The following UHRF1 variants were observed in gnomAD, a reference collection of about 807,000 sequenced individuals.
UHRF1 encodes ubiquitin like with PHD and ring finger domains 1.
UHRF1 carries 9 observed loss-of-function variants against 96.5 expected under a neutral mutation model. The observed-to-expected ratio is 0.09, with a 90% confidence interval of 0.06 to 0.16. UHRF1 has a LOEUF of 0.16. Among genes scored for constraint, UHRF1 ranks in the 10% least tolerant of loss-of-function variants. The pLI, the probability that UHRF1 is intolerant of heterozygous loss-of-function variation, is 1.00. For missense variants in UHRF1, 626 were observed against 1,131.1 expected, an observed-to-expected ratio of 0.55 and a Z score of 6.40; for synonymous variants, 455 against 469.9, an observed-to-expected ratio of 0.97 and a Z score of 0.41.
At chr19:4,921,237 C>T (rs781396268) in intron 2 of UHRF1, among the ~76,000 whole-genome samples, 2 of 151,984 alleles carry the variant, frequency 1.3e-5, no homozygotes, top group African/African-American at 2.4e-5. Flanking sequence ...GTGGGGATTT[C>T]GAGACCAGCC....
chr19:4,932,466 C>A (rs746244657), intron 4 of UHRF1, among the ~76,000 whole-genome samples: 1 of 152,234 alleles, frequency 6.6e-6, no homozygotes, highest in Non-Finnish European at 1.5e-5. Context: ...AAGGTTCTAT[C>A]TACAAAGACC....
chr19:4,941,238 G>T (rs1190071040), intron 5 of UHRF1, among the ~76,000 whole-genome samples: 1 of 151,390 alleles, frequency 6.6e-6, no homozygotes, highest in African/African-American at 2.4e-5. Context: ...TTACATGCGC[G>T]CTTCTCCAAG....
At chr19:4,944,494 C>T (rs2033505417) in intron 9 of UHRF1, 44 bp downstream of exon 9, 4 of 1,605,822 alleles carry the variant, frequency 2.5e-6, no homozygotes, top group Non-Finnish European at 2.6e-6. Flanking sequence ...GCGGGCTCAT[C>T]CTGCTTTTCT....
intron 13 of UHRF1, among the ~76,000 whole-genome samples, chr19:4,952,898 G>A (rs1428616867): frequency 6.6e-6 from 1 of 152,068 alleles, no homozygotes; most frequent in African/African-American, 2.4e-5. Flanking sequence ...CGTAAGTGAA[G>A]TTTCTGGGGA....
At chr19:4,946,921 G>A (rs778726940) in intron 10 of UHRF1, among the ~76,000 whole-genome samples, 184 bp from the exon 11 acceptor site, 4 of 152,124 alleles carry the variant, frequency 2.6e-5, no homozygotes, top group East Asian at 1.9e-4. Flanking sequence ...TTGTATAGTC[G>A]CTTTGCCATT....
chr19:4,908,793 T>G (rs1471276085), upstream of UHRF1, among the ~76,000 whole-genome samples: 1 of 152,198 alleles, frequency 6.6e-6, no homozygotes, highest in Non-Finnish European at 1.5e-5. Context: ...GACCACCAAC[T>G]GGGTCTGCCA....
intron 4 of UHRF1, 97 bp from the exon 5 acceptor site, chr19:4,932,644 C>A: frequency 7.4e-7 from 1 of 1,342,344 alleles, no homozygotes. Flanking sequence ...GGCCTCTGCA[C>A]ACTGTCGGGA....
At chr19:4,950,578 C>G (rs780371582) in intron 11 of UHRF1, 33 bp from the exon 12 acceptor site, 4 of 1,601,742 alleles carry the variant, frequency 2.5e-6, no homozygotes, top group Admixed American at 3.5e-5. Flanking sequence ...ACATCCTCAC[C>G]TATAATGCGT....
rs1293566098 is a variant in UHRF1 at position 4,945,982 on chromosome 19, GAGGGGT to G, written c.1410+18_1410+23del. ...GATGATGTGGTGAGTGTGTGTGTGGGAGGGGTGGGGGAGGGTTGCTCTAGTTTTTTG... is the reference window on the plus strand; with the variant it reads ...GATGATGTGGTGAGTGTGTGTGTGGGGGGGGAGGGTTGCTCTAGTTTTTTG... On this transcript the variant is annotated intron_variant, in intron 10 of 16. Coordinates refer to ENST00000650932, the MANE Select transcript of UHRF1 (RefSeq NM_001048201.3). 4 of 1,098,598 alleles carry G rather than the reference GAGGGGT, an allele frequency of 3.6e-6. No individual in the cohort carries two copies. The highest frequency in any genetic ancestry group is 4.0e-5 in the Admixed American group (2 of 50,214). 68.1% of individuals were successfully genotyped at this position (1,098,598 alleles called of 1,614,324 possible). A position where few individuals can be genotyped will look rare whatever the true frequency, so the allele number is the denominator to read the frequency against.
At chr19:4,934,699 C>T (rs528920880) in intron 5 of UHRF1, among the ~76,000 whole-genome samples, 5 of 152,232 alleles carry the variant, frequency 3.3e-5, no homozygotes, top group African/African-American at 4.8e-5. Flanking sequence ...ATCTTGGCAA[C>T]GGCGTTCCAA....
rs749289114 is a variant in UHRF1, at chr19:4,944,129, C to T, written c.1074-3C>T. The T allele has an allele frequency of 3.7e-6, 6 of 1,613,710 alleles. No homozygotes were observed. Among genetic ancestry groups the T allele is most frequent in the South Asian group, 3.3e-5 (3 of 91,058 alleles). Reference sequence around the variant, plus strand: ...GTGGGCAGTGACAATCCCGACCTCGCAGGTACTGCCCTGAGTGCCGGAATG... The same window carrying T: ...GTGGGCAGTGACAATCCCGACCTCGTAGGTACTGCCCTGAGTGCCGGAATG... On this transcript the variant is annotated splice_region_variant and splice_polypyrimidine_tract_variant and intron_variant, in intron 7 of 16. Coordinates refer to ENST00000650932, the MANE Select transcript of UHRF1 (RefSeq NM_001048201.3).
At chr19:4,916,252 A>G (rs1033597120) in intron 2 of UHRF1, among the ~76,000 whole-genome samples, 1 of 151,772 alleles carries the variant, frequency 6.6e-6, no homozygotes, top group Non-Finnish European at 1.5e-5. Flanking sequence ...GCTGCAGTGA[A>G]CCAAGATTGT....
intron 2 of UHRF1, among the ~76,000 whole-genome samples, chr19:4,916,673 C>T (rs1029028664): frequency 4.6e-5 from 7 of 152,360 alleles, no homozygotes; most frequent in African/African-American, 1.4e-4. Context: ...GTTCTGTCTC[C>T]TCCGTGTCTA....
chr19:4,936,707 T>C (rs933649344), intron 5 of UHRF1, among the ~76,000 whole-genome samples: 1 of 150,718 alleles, frequency 6.6e-6, no homozygotes, highest in East Asian at 1.9e-4. Context: ...TTTGGGAGGC[T>C]GAGGTGGGAG....
intron 5 of UHRF1, 137 bp downstream of exon 5, chr19:4,933,093 C>T: frequency 1.1e-6 from 1 of 933,966 alleles, no homozygotes; most frequent in Non-Finnish European, 1.6e-6. Context: ...TCCTGCCTCC[C>T]CTCTGGGGTC....
At position 4,961,001 on chromosome 19, in the gene UHRF1, A is replaced by T; in HGVS notation, c.*198A>T. The T allele has an allele frequency of 2.8e-6, 1 of 355,920 alleles. No individual in the cohort carries two copies. 22.0% of individuals were successfully genotyped at this position (355,920 alleles called of 1,614,324 possible). A position where few individuals can be genotyped will look rare whatever the true frequency, so the allele number is the denominator to read the frequency against. ...TCAGGAATTTATGTATTCTGGCTAAAAGTTGGACTTCTCAGTATTGTGTTT... is the reference window on the plus strand; with the variant it reads ...TCAGGAATTTATGTATTCTGGCTAATAGTTGGACTTCTCAGTATTGTGTTT... On this transcript the variant is annotated 3_prime_UTR_variant, in exon 17 of 17. Coordinates refer to ENST00000650932, the MANE Select transcript of UHRF1 (RefSeq NM_001048201.3).
chr19:4,911,124 C>T (rs1378893056), intron 2 of UHRF1, 86 bp downstream of exon 2: 2 of 1,300,442 alleles, frequency 1.5e-6, no homozygotes, highest in Non-Finnish European at 2.1e-6. Flanking sequence ...CTCCCTCCCA[C>T]CTCCCCCCCC....
At position 4,954,332 on chromosome 19, in the gene UHRF1, T is replaced by C; in HGVS notation, c.1819-18T>C. On this transcript the variant is annotated intron_variant, in intron 13 of 16. Transcript: ENST00000650932. This position sits in a 1 kb window ranked among gnomAD's most constrained non-coding sequence, Gnocchi z 5.9. ...GGGCCCCAAGCCTGACTCACGGCTG[T>C]CCCTCTTCCTCCTGAAGTATCCAGA... The C allele has an allele frequency of 6.2e-7, 1 of 1,609,568 alleles. No individual in the cohort carries two copies. Among genetic ancestry groups the C allele is most frequent in the South Asian group, 1.1e-5 (1 of 90,478 alleles).
In UHRF1 at chr19:4,929,215, C is replaced by T; in HGVS notation, c.154-7C>T. ...CTAAACAGCGTCTGCCTCTGGTGTC[C>T]CTGCAGATGGAGGACGGCCATACCC... On this transcript the variant is annotated splice_polypyrimidine_tract_variant and splice_region_variant and intron_variant, in intron 2 of 16. Coordinates refer to ENST00000650932, the MANE Select transcript of UHRF1 (RefSeq NM_001048201.3). 6.2e-7 allele frequency: 1 copy of T among 1,607,572 alleles called. No homozygotes were observed. The highest frequency in any genetic ancestry group is 8.5e-7 in the Non-Finnish European group (1 of 1,175,188).
Sources: allele counts gnomAD v4.1 joint callset (sites outside exome capture counted in the v4.1 genomes callset), GRCh38; gene constraint gnomAD v4.1.1; non-coding constraint Gnocchi (gnomAD v3.1); transcripts MANE v1.5; gene names NCBI Gene and HGNC (gene_info 2026-07-23, HGNC 2026-07-21).